HTRA3: variants seen among roughly 807,000 people sequenced by gnomAD.
HTRA3 encodes the protein HtrA serine peptidase 3.
In HTRA3, 41 loss-of-function variants were observed where a neutral mutation model predicts 43.2. The ratio of observed to expected loss-of-function variants is 0.95; its 90% CI spans 0.74 to 1.23. The LOEUF (loss-of-function observed/expected upper bound fraction) is 1.23, where lower values mean the gene tolerates loss of function less well. HTRA3 is among the 50% of genes most tolerant of loss of function. The pLI, the probability that HTRA3 is intolerant of heterozygous loss-of-function variation, is 0.00. For missense variants in HTRA3, 628 were observed against 647.1 expected (o/e 0.97, Z 0.32); for synonymous variants, 295 against 287.9 (o/e 1.02, Z -0.25).
At chr4:8,298,106 C>G (rs371667463) in intron 6 of HTRA3, among the ~76,000 whole-genome samples, 15 of 152,220 alleles carry the variant, frequency 9.9e-5, no homozygotes, top group Admixed American at 3.9e-4. Flanking sequence ...GGACCGTTAC[C>G]TCTCTGGGCT....
At chr4:8,304,643 GTTTTTTTTTTTTTT>G (rs140790982) in intron 8 of HTRA3, among the ~76,000 whole-genome samples, 1,489 of 62,744 alleles carry the variant, frequency 0.024, 37 homozygotes, top group African/African-American at 0.096. Context: ...TCAGCCTATT[GTTTTTTTTTTTTTT>G]TTTTTTTTTT....
chr4:8,285,292 C>A (rs1712911168), intron 2 of HTRA3, among the ~76,000 whole-genome samples: 1 of 152,220 alleles, frequency 6.6e-6, no homozygotes, highest in South Asian at 2.1e-4. Context: ...ACCACAGCAC[C>A]CCCCTTGCAG....
chr4:8,302,518 G>A lies in HTRA3; in HGVS notation c.1100+7G>A. ...TGCGGACGATCACACCAAGGTGAGT[G>A]TCTGAAGAGTGCCATCCCCTGCTAC... is the stretch of plus-strand genomic sequence containing the variant. On this transcript the variant is annotated splice_region_variant and intron_variant, in intron 7 of 8. Transcript: ENST00000307358. 1 of 1,613,606 alleles carries A rather than the reference G, an allele frequency of 6.2e-7. No homozygotes were observed. The highest frequency in any genetic ancestry group is 8.5e-7 in the Non-Finnish European group (1 of 1,179,592).
chr4:8,273,768 A>G (rs1011387911), intron 1 of HTRA3, among the ~76,000 whole-genome samples: 2 of 151,096 alleles, frequency 1.3e-5, no homozygotes, highest in Admixed American at 6.6e-5. Context: ...ACTCCCCTCA[A>G]TGCCTGCTGC....
intron 5 of HTRA3, among the ~76,000 whole-genome samples, chr4:8,292,819 G>A (rs535127760): frequency 2.6e-5 from 4 of 152,258 alleles, no homozygotes; most frequent in African/African-American, 4.8e-5. Flanking sequence ...CTGAAGGATC[G>A]GACGGTCCCA....
chr4:8,282,629 C>A, intron 2 of HTRA3, 93 bp downstream of exon 2: 1 of 976,864 alleles, frequency 1.0e-6, no homozygotes, highest in Non-Finnish European at 1.6e-6. Flanking sequence ...ATTCTGCAGC[C>A]TGGGCCACAG....
At chr4:8,287,817 A>C (rs1199164155) in intron 3 of HTRA3, among the ~76,000 whole-genome samples, 1 of 152,218 alleles carries the variant, frequency 6.6e-6, no homozygotes, top group East Asian at 1.9e-4. Flanking sequence ...CCAAGATCAC[A>C]GCGCACTGGA....
rs575143003 is a variant in HTRA3, at chr4:8,270,615, G to A, written c.385+262G>A. On this transcript the variant is annotated intron_variant, in intron 1 of 8. Transcript: ENST00000307358. ...CACCCGAGGGGCCTCATCTAGGACT[G>A]TTTCCAGCTCTGGTCTCTTCAGAAC... is the stretch of plus-strand genomic sequence containing the variant. Among the ~76,000 whole-genome samples the A allele has an allele frequency of 2.6e-5, 4 of 152,362 alleles. No homozygotes were observed. The South Asian group carries it at 8.3e-4, about 32-fold the overall frequency.
At chr4:8,302,321 G>A in intron 6 of HTRA3, 142 bp from the exon 7 acceptor site, 1 of 745,940 alleles carries the variant, frequency 1.3e-6, no homozygotes, top group African/African-American at 1.7e-5. Context: ...TGGACCGCAG[G>A]GGGACTGGGC....
chr4:8,296,169 T>C lies in HTRA3; in HGVS notation c.1051+1968T>C, dbSNP rs1713447235. 2.0e-6 allele frequency: 2 copies of C among 988,294 alleles called. No individual in the cohort carries two copies. Among genetic ancestry groups the C allele is most frequent in the Non-Finnish European group, 2.4e-6 (2 of 831,898 alleles). The allele number at this position is 988,294 out of a possible 1,614,324, so 61.2% of individuals were successfully genotyped here. A position where few individuals can be genotyped will look rare whatever the true frequency, so the allele number is the denominator to read the frequency against. ...GCTGTGAGGTGGCTTTCCTTGGAAG[T>C]GGATGATAGTGTCCTCTTCCCTTCT... On this transcript the variant is annotated intron_variant, in intron 6 of 8. Transcript: ENST00000307358. This position sits in a 1 kb window ranked among gnomAD's most constrained non-coding sequence, Gnocchi z 5.3.
At chr4:8,290,136 C>T (rs1428776399) in intron 3 of HTRA3, among the ~76,000 whole-genome samples, 3 of 152,276 alleles carry the variant, frequency 2.0e-5, no homozygotes, top group African/African-American at 7.2e-5. Context: ...ACCTGGCATT[C>T]TCTCTGCCAT....
chr4:8,291,507 G>A lies in HTRA3; in HGVS notation c.846G>A (p.Arg282=). ...TCAGCACTGCCCAGCGGGAGGGCAG[G>A]GAGCTGGGCCTCCGGGACTCCGACA... ...GIVSTAQREG[R]ELGLRDSDMD... The change falls in exon 4 of 9, where the codon AGG becomes AGA. Residue 282 remains arginine (R), a synonymous_variant. Coordinates refer to ENST00000307358, the MANE Select transcript of HTRA3 (RefSeq NM_053044.5). 1 of 1,612,464 alleles carries A rather than the reference G, an allele frequency of 6.2e-7. No homozygotes were observed. Among genetic ancestry groups the A allele is most frequent in the Non-Finnish European group, 8.5e-7 (1 of 1,179,614 alleles).
chr4:8,292,002 G>A (rs755367965), intron 4 of HTRA3, among the ~76,000 whole-genome samples: 1 of 152,182 alleles, frequency 6.6e-6, no homozygotes, highest in Non-Finnish European at 1.5e-5. Flanking sequence ...TCTTTGTAGA[G>A]GGCCCCCCCA....
Position 8,306,519 on chromosome 4 carries a change from G to A in HTRA3, c.*383G>A, listed in dbSNP as rs997218550. ...GCCCCTCCTACTGCAGGTCTGGGCT[G>A]CCAAGCTTCTTCCCCCCTGACAAAC... On this transcript the variant is annotated 3_prime_UTR_variant, in exon 9 of 9. Transcript: ENST00000307358. The surrounding 1 kb of genome is among the most constrained non-coding windows in gnomAD (Gnocchi z 8.9). 1.7e-5 allele frequency: 3 copies of A among 178,452 alleles called. No homozygotes were observed. The highest frequency in any genetic ancestry group is 2.4e-5 in the African/African-American group (1 of 42,024). 11.1% of individuals were successfully genotyped at this position (178,452 alleles called of 1,614,324 possible).
intron 6 of HTRA3, among the ~76,000 whole-genome samples, chr4:8,299,774 TA>T (rs1432632402): frequency 6.6e-6 from 1 of 152,170 alleles, no homozygotes; most frequent in Non-Finnish European, 1.5e-5. Context: ...GGTTGATTTT[TA>T]AATGTTAAAC....
At chr4:8,304,643 GTTTTTTTTTTTTTTT>G (rs140790982) in intron 8 of HTRA3, among the ~76,000 whole-genome samples, 31 of 62,738 alleles carry the variant, frequency 4.9e-4, no homozygotes, top group Admixed American at 3.9e-3. Context: ...TCAGCCTATT[GTTTTTTTTTTTTTTT>G]TTTTTTTTTT....
intron 7 of HTRA3, among the ~76,000 whole-genome samples, 200 bp from the exon 8 acceptor site, chr4:8,303,984 A>G (rs1301756712): frequency 6.6e-6 from 1 of 152,022 alleles, no homozygotes; most frequent in Non-Finnish European, 1.5e-5. Flanking sequence ...TCACGCTTCT[A>G]ACCAGCTATT....
chr4:8,286,536 C>G lies in HTRA3; in HGVS notation c.486-25C>G. 6.2e-7 allele frequency: 1 copy of G among 1,607,158 alleles called. No individual in the cohort carries two copies. The highest frequency in any genetic ancestry group is 8.5e-7 in the Non-Finnish European group (1 of 1,175,258). On this transcript the variant is annotated intron_variant, in intron 2 of 8. Transcript: ENST00000307358. This position sits in a 1 kb window ranked among gnomAD's most constrained non-coding sequence, Gnocchi z 4.9. ...CCGCGTCCTAGCCCCACCCTAAATG[C>G]CCGCCTGTGTCTCCCTGGCTGCAGA... is the stretch of plus-strand genomic sequence containing the variant.
intron 3 of HTRA3, among the ~76,000 whole-genome samples, chr4:8,290,057 G>A (rs1378257982): frequency 1.3e-5 from 2 of 152,208 alleles, no homozygotes; most frequent in Non-Finnish European, 2.9e-5. Context: ...CTGCCTCTTC[G>A]GCCGGTCAGC....
Sources: allele counts gnomAD v4.1 joint callset (sites outside exome capture counted in the v4.1 genomes callset), GRCh38; gene constraint gnomAD v4.1.1; non-coding constraint Gnocchi (gnomAD v3.1); transcripts MANE v1.5; gene names NCBI Gene and HGNC (gene_info 2026-07-23, HGNC 2026-07-21).